PCGF2: variants seen among roughly 807,000 people sequenced by gnomAD.
PCGF2 encodes polycomb group ring finger 2.
In PCGF2, 8 loss-of-function variants were observed where a neutral mutation model predicts 36.1. The observed-to-expected ratio is 0.22, with a 90% confidence interval of 0.13 to 0.40. PCGF2 has a LOEUF of 0.40. PCGF2 is among the 10% of genes least tolerant of loss of function. The probability of loss-of-function intolerance (pLI) is 1.00; values close to 1 mark genes in which losing one functional copy is unlikely to be tolerated. For synonymous variants in PCGF2, 198 were observed against 191.2 expected, an observed-to-expected ratio of 1.04 and a Z score of -0.29; for missense variants, 436 against 475.9, an observed-to-expected ratio of 0.92 and a Z score of 0.78.
intron 2 of PCGF2, among the ~76,000 whole-genome samples, chr17:38,747,515 C>G (rs1408142279): frequency 1.3e-5 from 2 of 152,186 alleles, no homozygotes; most frequent in Non-Finnish European, 2.9e-5. Flanking sequence ...TTCTGCGGGG[C>G]CCCGGGAGGG....
At chr17:38,749,156 G>C (rs1281371686), upstream of PCGF2, among the ~76,000 whole-genome samples, 1 of 152,258 alleles carries the variant, frequency 6.6e-6, no homozygotes, top group Non-Finnish European at 1.5e-5. This position sits in a 1 kb window ranked among gnomAD's most constrained non-coding sequence, Gnocchi z 6.5. Context: ...TCCGGCCGAA[G>C]GCGAGCGGCC....
In PCGF2 at chr17:38,735,509, GTGT is replaced by G; in HGVS notation, c.746_748del (p.Asn249del). 6.3e-7 allele frequency: 1 copy of G among 1,593,186 alleles called. No individual in the cohort carries two copies. The highest frequency in any genetic ancestry group is 8.5e-7 in the Non-Finnish European group (1 of 1,170,044). Reference sequence around the variant, plus strand: ...TGACTCACACTCGGACGCCCCGCTGGTGTTGGTGCCCTCGGAGGGGGTGGGCAC... The same window carrying G: ...TGACTCACACTCGGACGCCCCGCTGGTGGTGCCCTCGGAGGGGGTGGGCAC... On this transcript the variant is annotated inframe_deletion, in exon 11 of 11. Coordinates refer to ENST00000620225, the MANE Select transcript of PCGF2 (RefSeq NM_007144.3).
chr17:38,745,964 C>G (rs918525424), intron 2 of PCGF2, among the ~76,000 whole-genome samples: 1 of 152,192 alleles, frequency 6.6e-6, no homozygotes, highest in Non-Finnish European at 1.5e-5. Context: ...TTTTATGACT[C>G]TGTTCCTCTC....
Position 38,739,245 on chromosome 17 carries a change from T to C in PCGF2, c.218A>G (p.Lys73Arg), listed in dbSNP as rs754174211. 1 of 1,613,776 alleles carries C rather than the reference T, an allele frequency of 6.2e-7. No homozygotes were observed. Among genetic ancestry groups the C allele is most frequent in the Non-Finnish European group, 8.5e-7 (1 of 1,179,922 alleles). ...TRPLLSIRSDKTLQDIVYKLV... is the reference protein window; with the variant it reads ...TRPLLSIRSDRTLQDIVYKLV... ...TTTGTAGACAATGTCTTGAAGTGTT[T>C]TGTCAGACCTGGGGAAAAATGGACA... The change falls in exon 5 of 11, where the codon AAA becomes AGA. Residue 73 changes from lysine (K) to arginine (R), a missense_variant. Physicochemically the swap from Lys to Arg is conservative, Grantham distance 26. Around this residue, in one of 3 missense-constraint regions of PCGF2, gnomAD observed 189 missense variants for 219.3 expected, o/e 0.86. Transcript: ENST00000620225. The surrounding 1 kb of genome is among the most constrained non-coding windows in gnomAD (Gnocchi z 4.0).
chr17:38,749,394 G>A (rs1054502101), upstream of PCGF2: 2 of 293,214 alleles, frequency 6.8e-6, no homozygotes, highest in Non-Finnish European at 1.4e-5. This position sits in a 1 kb window ranked among gnomAD's most constrained non-coding sequence, Gnocchi z 6.5. Context: ...CAGTGGCTCC[G>A]GCAGGAGGGA....
chr17:38,740,540 A>G (rs1907125344), intron 2 of PCGF2, 98 bp from the exon 3 acceptor site: 3 of 793,320 alleles, frequency 3.8e-6, no homozygotes, highest in Non-Finnish European at 5.9e-6. Flanking sequence ...CGGGCGGATC[A>G]CGAGGTCAGG....
intron 2 of PCGF2, among the ~76,000 whole-genome samples, chr17:38,743,420 C>A (rs943847628): frequency 6.6e-6 from 1 of 151,754 alleles, no homozygotes; most frequent in African/African-American, 2.4e-5. Flanking sequence ...AACCCCACAG[C>A]CGAGAGCCCC....
rs779314891 is a variant in PCGF2, at chr17:38,735,578, T to C, written c.680A>G (p.Tyr227Cys). 6.3e-7 allele frequency: 1 copy of C among 1,575,824 alleles called. No individual in the cohort carries two copies. Among genetic ancestry groups the C allele is most frequent in the Non-Finnish European group, 8.6e-7 (1 of 1,158,692 alleles). Residue 227 changes from tyrosine (Y) to cysteine (C), a missense_variant, in exon 11 of 11, where the codon TAC (tyrosine) becomes TGC (cysteine). By Grantham distance (194) the Tyr-to-Cys change is radical (BLOSUM62 -2). Around this residue, in one of 3 missense-constraint regions of PCGF2, gnomAD observed 227 missense variants for 212.9 expected, o/e 1.07. Transcript: ENST00000620225. ...WRRNGPLPLK[Y>C]RVQPACKRLT... ...CCGCTTGCAGGCTGGCTGGACACGG[T>C]ACTTGAGGGGGAGAGGCCCGTTCTG... is the stretch of plus-strand genomic sequence containing the variant.
At position 38,735,522 on chromosome 17, in the gene PCGF2, C is replaced by G. The variant is rs991646402; in HGVS notation, c.736G>C (p.Glu246Gln). 2 of 1,589,726 alleles carry G rather than the reference C, an allele frequency of 1.3e-6. No individual in the cohort carries two copies. The highest frequency in any genetic ancestry group is 1.7e-6 in the Non-Finnish European group (2 of 1,168,362). ...GACGCCCCGCTGGTGTTGGTGCCCT[C>G]GGAGGGGGTGGGCACCGTGGCTAGG... ...LTLATVPTPS[E>Q]GTNTSGASEC... Residue 246 changes from glutamate to glutamine, a missense_variant, in exon 11 of 11, where the codon GAG becomes CAG. Coordinates refer to ENST00000620225, the MANE Select transcript of PCGF2 (RefSeq NM_007144.3).
chr17:38,744,028 G>T (rs1048661394), intron 2 of PCGF2, among the ~76,000 whole-genome samples: 3 of 152,182 alleles, frequency 2.0e-5, no homozygotes, highest in Non-Finnish European at 4.4e-5. Context: ...GAGCTCAGGT[G>T]CTTTAACAGG....
chr17:38,741,399 T>C (rs1292267363), intron 2 of PCGF2, among the ~76,000 whole-genome samples: 3 of 152,124 alleles, frequency 2.0e-5, no homozygotes, highest in Non-Finnish European at 2.9e-5. Flanking sequence ...CTTCAAGGAA[T>C]AGAAGAAGGG....
chr17:38,743,803 G>A (rs546260047), intron 2 of PCGF2, among the ~76,000 whole-genome samples: 3 of 152,108 alleles, frequency 2.0e-5, no homozygotes, highest in Non-Finnish European at 2.9e-5. Flanking sequence ...GCCCCAGGCC[G>A]CGAATTCCTG....
intron 6 of PCGF2, 58 bp from the exon 7 acceptor site, chr17:38,738,919 G>A (rs1226757810): frequency 6.5e-7 from 1 of 1,548,546 alleles, no homozygotes; most frequent in Non-Finnish European, 8.9e-7. Context: ...GCCCGCCAAG[G>A]ACCCAGAGAT....
chr17:38,739,738 A>T lies in PCGF2; in HGVS notation c.113-56T>A, dbSNP rs1216016229. On this transcript the variant is annotated intron_variant, in intron 3 of 10. Coordinates refer to ENST00000620225, the MANE Select transcript of PCGF2 (RefSeq NM_007144.3). This position sits in a 1 kb window ranked among gnomAD's most constrained non-coding sequence, Gnocchi z 4.0. ...AGAGCCAACTTCCAACTCCAGGACC[A>T]GCCTCCCCGCCCTCTGCTCAGACTC... 10 of 1,281,550 alleles carry T rather than the reference A, an allele frequency of 7.8e-6. No individual in the cohort carries two copies. In the Admixed American group the frequency reaches 1.7e-4, roughly 22 times the overall value. The allele number at this position is 1,281,550 out of a possible 1,614,324, so 79.4% of individuals were successfully genotyped here.
chr17:38,739,706 G>A lies in PCGF2; in HGVS notation c.113-24C>T. On this transcript the variant is annotated intron_variant, in intron 3 of 10. Transcript: ENST00000620225. The surrounding 1 kb of genome is among the most constrained non-coding windows in gnomAD (Gnocchi z 4.0). ...GACTTGGGGGTGTGGAGAGAGAGAG[G>A]AGAGTCAGAGCCAACTTCCAACTCC... 3 of 1,575,704 alleles carry A rather than the reference G, an allele frequency of 1.9e-6. No homozygotes were observed. Among genetic ancestry groups the A allele is most frequent in the Non-Finnish European group, 2.6e-6 (3 of 1,145,044 alleles).
rs1201949138 is a variant in PCGF2 at position 38,736,146 on chromosome 17, G to C, written c.601C>G (p.Pro201Ala). Residue 201 changes from proline to alanine, a missense_variant, in exon 10 of 11, where the codon CCA (proline) becomes GCA (alanine). Transcript: ENST00000620225. The stretch of plus-strand genomic sequence containing the variant: ...ATGAGGGTGTAGTATTCCTTCAGTG[G>C]CTCGTCCTCGTACAGAACCTCCACC... Reference protein sequence around the residue: ...YKVEVLYEDEPLKEYYTLMDI... With the variant: ...YKVEVLYEDEALKEYYTLMDI... The C allele has an allele frequency of 1.3e-6, 2 of 1,578,926 alleles. No individual in the cohort carries two copies. The highest frequency in any genetic ancestry group is 4.6e-5 in the East Asian group (2 of 43,414).
chr17:38,744,734 G>A (rs1224226334), intron 2 of PCGF2, among the ~76,000 whole-genome samples: 5 of 152,162 alleles, frequency 3.3e-5, no homozygotes, highest in African/African-American at 9.7e-5. Context: ...ATGGTCCCCT[G>A]TGGAAACAGT....
chr17:38,739,041 C>A lies in PCGF2; in HGVS notation c.316+27G>T. ...ACATGGTCCCAGGCAAGACTGTGCA[C>A]ACACAAACAGACGCGAGCACACTCA... On this transcript the variant is annotated intron_variant, in intron 6 of 10. Transcript: ENST00000620225. This position sits in a 1 kb window ranked among gnomAD's most constrained non-coding sequence, Gnocchi z 4.0. 1 of 1,611,878 alleles carries A rather than the reference C, an allele frequency of 6.2e-7. No homozygotes were observed. Among genetic ancestry groups the A allele is most frequent in the Non-Finnish European group, 8.5e-7 (1 of 1,179,564 alleles).
chr17:38,736,681 A>T (rs1281376661), intron 9 of PCGF2, among the ~76,000 whole-genome samples: 1 of 152,132 alleles, frequency 6.6e-6, no homozygotes, highest in African/African-American at 2.4e-5. Context: ...AAAAATACAA[A>T]AAATTAGCTG....
Sources: allele counts gnomAD v4.1 joint callset (sites outside exome capture counted in the v4.1 genomes callset), GRCh38; gene constraint gnomAD v4.1.1; regional missense constraint gnomAD v4.1.1; non-coding constraint Gnocchi (gnomAD v3.1); transcripts MANE v1.5; gene names NCBI Gene and HGNC (gene_info 2026-07-23, HGNC 2026-07-21).